Variants in CHN2 observed in about 807,000 individuals in gnomAD.
CHN2 encodes the protein beta-chimaerin.
CHN2 carries 35 observed loss-of-function variants against 56.3 expected under a neutral mutation model. The observed-to-expected ratio is 0.62, with a 90% CI of 0.47 to 0.82. CHN2 has a LOEUF of 0.82. Ranked by LOEUF, CHN2 falls within the 40% of genes least tolerant of loss-of-function variation. The pLI, the probability that CHN2 is intolerant of heterozygous loss-of-function variation, is 0.00. For synonymous variants in CHN2, 210 were observed against 212.8 expected (o/e 0.99, Z 0.12); for missense variants, 491 against 580.5 (o/e 0.85, Z 1.58).
chr7:29,323,768 C>T (rs1413457746), intron 1 of CHN2, among the ~76,000 whole-genome samples: 11 of 151,830 alleles, frequency 7.2e-5, no homozygotes, highest in East Asian at 3.9e-4. Context: ...GAGGCCGAGG[C>T]GGGCGGATCA....
intron 2 of CHN2, among the ~76,000 whole-genome samples, chr7:29,188,827 A>G (rs1038591625): frequency 6.6e-6 from 1 of 152,248 alleles, no homozygotes; most frequent in East Asian, 1.9e-4. Flanking sequence ...ATAATTCCCA[A>G]ACAGAAATCA....
chr7:29,431,917 C>G (rs777123122), intron 6 of CHN2, among the ~76,000 whole-genome samples: 4 of 152,342 alleles, frequency 2.6e-5, no homozygotes, highest in East Asian at 3.9e-4. Context: ...GGTGGAAATG[C>G]TATTGCTTTC....
intron 2 of CHN2, among the ~76,000 whole-genome samples, chr7:29,164,779 CAA>C (rs55742522): frequency 0.04 from 3,445 of 85,938 alleles, 134 homozygotes; most frequent in African/African-American, 0.13. Flanking sequence ...AGACCTGTCT[CAA>C]AAAAAAAAAA....
At chr7:29,416,540 T>C (rs145648171) in intron 6 of CHN2, among the ~76,000 whole-genome samples, 1 of 152,178 alleles carries the variant, frequency 6.6e-6, no homozygotes, top group African/African-American at 2.4e-5. Context: ...GTAGAAGGTT[T>C]GTTAGTACAC....
chr7:29,190,174 C>T (rs1282775036), upstream of CHN2, among the ~76,000 whole-genome samples: 2 of 152,228 alleles, frequency 1.3e-5, no homozygotes, highest in African/African-American at 4.8e-5. Flanking sequence ...AAGGCTTAAA[C>T]TACAGAGCGA....
intron 7 of CHN2, among the ~76,000 whole-genome samples, chr7:29,483,620 C>T (rs539701705): frequency 6.6e-6 from 1 of 152,206 alleles, no homozygotes; most frequent in African/African-American, 2.4e-5. Context: ...AAAAACCACT[C>T]GGTTATTTAG....
intron 1 of CHN2, among the ~76,000 whole-genome samples, chr7:29,204,063 C>CTGTG (rs1458828590): frequency 9.2e-6 from 1 of 108,830 alleles, no homozygotes; most frequent in East Asian, 3.1e-4. Context: ...GTTTTTCTCT[C>CTGTG]TCTCTGTGTG....
At chr7:29,264,934 G>A (rs1056022243) in intron 1 of CHN2, among the ~76,000 whole-genome samples, 14 of 149,198 alleles carry the variant, frequency 9.4e-5, no homozygotes, top group South Asian at 6.4e-4. Context: ...AAGGAGATCT[G>A]TTATTTCTTA....
At chr7:29,429,770 A>G (rs1805224339) in intron 6 of CHN2, among the ~76,000 whole-genome samples, 1 of 152,242 alleles carries the variant, frequency 6.6e-6, no homozygotes, top group South Asian at 2.1e-4. Flanking sequence ...GACTAGATTA[A>G]TTTTAGATGT....
At chr7:29,395,492 CAG>C (rs34299409) in intron 4 of CHN2, among the ~76,000 whole-genome samples, 18,664 of 152,072 alleles carry the variant, frequency 0.12, 1,435 homozygotes, top group Middle Eastern at 0.22. Flanking sequence ...GCCTGGGCAA[CAG>C]AGTGAGACCT....
At chr7:29,416,872 G>GT (rs1803805223) in intron 6 of CHN2, among the ~76,000 whole-genome samples, 1 of 152,190 alleles carries the variant, frequency 6.6e-6, no homozygotes, top group South Asian at 2.1e-4. Flanking sequence ...TCTCTAAGTA[G>GT]TGATTGCTTT....
At chr7:29,500,202 A>G (rs1306655111) in intron 9 of CHN2, among the ~76,000 whole-genome samples, 162 bp downstream of exon 9, 2 of 152,090 alleles carry the variant, frequency 1.3e-5, no homozygotes, top group Non-Finnish European at 2.9e-5. Context: ...GGTAGACTCA[A>G]TCCAACCAGC....
intron 6 of CHN2, among the ~76,000 whole-genome samples, chr7:29,421,781 T>C (rs1413398906): frequency 6.6e-6 from 1 of 152,212 alleles, no homozygotes; most frequent in African/African-American, 2.4e-5. Flanking sequence ...TGCTGGCCGA[T>C]GGTTTGTATG....
chr7:29,433,640 C>T (rs893075659), intron 6 of CHN2, among the ~76,000 whole-genome samples: 1 of 152,054 alleles, frequency 6.6e-6, no homozygotes, highest in Non-Finnish European at 1.5e-5. Flanking sequence ...AGTTCGAGAC[C>T]AGCCTGGACA....
chr7:29,166,952 AT>A (rs1438369233), intron 2 of CHN2, among the ~76,000 whole-genome samples: 1 of 151,938 alleles, frequency 6.6e-6, no homozygotes, highest in Non-Finnish European at 1.5e-5. Flanking sequence ...CCATTGACTG[AT>A]TTTTCTCCAC....
At chr7:29,390,987 T>C (rs776609342) in intron 3 of CHN2, among the ~76,000 whole-genome samples, 1 of 152,222 alleles carries the variant, frequency 6.6e-6, no homozygotes, top group Non-Finnish European at 1.5e-5. Context: ...TAGTGAAGTA[T>C]AGAAATAGAG....
chr7:29,353,427 G>A (rs1182180527), intron 1 of CHN2, among the ~76,000 whole-genome samples: 1 of 152,208 alleles, frequency 6.6e-6, no homozygotes, highest in Non-Finnish European at 1.5e-5. Context: ...GCCAAGGTGG[G>A]TGGGTCACTT....
chr7:29,494,969 A>AT (rs1789104288), intron 7 of CHN2, among the ~76,000 whole-genome samples: 1 of 150,346 alleles, frequency 6.7e-6, no homozygotes, highest in South Asian at 2.1e-4. Flanking sequence ...AAAAAAAAAA[A>AT]AAAAAAAAAA....
intron 7 of CHN2, among the ~76,000 whole-genome samples, chr7:29,488,526 T>TAAACAAACAAAC (rs745641525): frequency 1.3e-5 from 2 of 152,012 alleles, no homozygotes; most frequent in African/African-American, 4.8e-5. Flanking sequence ...ATAAAGTAGC[T>TAAACAAACAAAC]AAACAAACAA....
Sources: gnomAD v4.1 joint callset for allele counts (sites outside exome capture counted in the v4.1 genomes callset) on GRCh38, gnomAD v4.1.1 for gene constraint, MANE v1.5 for transcripts, NCBI Gene and HGNC (gene_info 2026-07-23, HGNC 2026-07-21) for gene names.